The following CACNA1E variants were observed in gnomAD, a reference collection of about 807,000 sequenced individuals.
CACNA1E encodes calcium voltage-gated channel subunit alpha1 E.
CACNA1E carries 40 observed loss-of-function variants against 259.2 expected under a neutral mutation model. That is an observed-to-expected ratio of 0.15 (90% confidence interval 0.12 to 0.20). The LOEUF is 0.20. Ranked by LOEUF, CACNA1E falls within the 10% of genes least tolerant of loss-of-function variation. The probability of loss-of-function intolerance (pLI) is 1.00; values close to 1 mark genes in which losing one functional copy is unlikely to be tolerated. For missense variants in CACNA1E, 1,874 were observed against 3,040.1 expected, an observed-to-expected ratio of 0.62 and a Z score of 9.02; for synonymous variants, 1,104 against 1,138.5, an observed-to-expected ratio of 0.97 and a Z score of 0.61.
chr1:181,607,705 C>T (rs1654364564), intron 6 of CACNA1E, among the ~76,000 whole-genome samples: 1 of 152,148 alleles, frequency 6.6e-6, no homozygotes, highest in East Asian at 1.9e-4. Context: ...CTACAAAGCT[C>T]CATGAGAGTG....
chr1:181,779,412 T>C (rs1293851664), intron 38 of CACNA1E: 1 of 420,018 alleles, frequency 2.4e-6, no homozygotes, highest in Admixed American at 2.5e-5. Context: ...TCTCTGAGTG[T>C]CCTATTAACC....
At chr1:181,424,232 A>G (rs1273214036) in intron 2 of CACNA1E, among the ~76,000 whole-genome samples, 1 of 152,272 alleles carries the variant, frequency 6.6e-6, no homozygotes, top group African/African-American at 2.4e-5. Context: ...TGAGCAGAGC[A>G]GGAAGGTGCA....
At chr1:181,322,396 C>T (rs1292155706) in intron 1 of CACNA1E, among the ~76,000 whole-genome samples, 1 of 152,062 alleles carries the variant, frequency 6.6e-6, no homozygotes, top group Non-Finnish European at 1.5e-5. Flanking sequence ...GGCCATTGGA[C>T]CAAGTATACA....
At chr1:181,596,909 A>C (rs111434161) in intron 6 of CACNA1E, among the ~76,000 whole-genome samples, 5,126 of 152,108 alleles carry the variant, frequency 0.034, 108 homozygotes, top group Non-Finnish European at 0.048. Flanking sequence ...GTAGGGGCCT[A>C]GGTGTCCAAA....
intron 6 of CACNA1E, among the ~76,000 whole-genome samples, chr1:181,607,063 T>G (rs548664500): frequency 6.6e-6 from 1 of 152,248 alleles, no homozygotes; most frequent in South Asian, 2.1e-4. Context: ...AAACCTAAGC[T>G]CCATGAGAGC....
chr1:181,387,534 T>C (rs1400454482), intron 1 of CACNA1E, among the ~76,000 whole-genome samples: 1 of 152,166 alleles, frequency 6.6e-6, no homozygotes, highest in East Asian at 1.9e-4. Flanking sequence ...TATATGAAGC[T>C]CCTGCCCCAA....
At chr1:181,470,664 G>A (rs1477664506) in intron 2 of CACNA1E, among the ~76,000 whole-genome samples, 1 of 152,136 alleles carries the variant, frequency 6.6e-6, no homozygotes, top group Non-Finnish European at 1.5e-5. Flanking sequence ...TAGCCTTGAT[G>A]GCCAAGTGGC....
intron 2 of CACNA1E, among the ~76,000 whole-genome samples, chr1:181,460,450 C>T (rs951480287): frequency 2.0e-5 from 3 of 152,154 alleles, no homozygotes; most frequent in Non-Finnish European, 2.9e-5. Flanking sequence ...AGGACCCACA[C>T]CTTTGCACAG....
At chr1:181,643,076 T>C (rs540140061) in intron 6 of CACNA1E, among the ~76,000 whole-genome samples, 3 of 152,344 alleles carry the variant, frequency 2.0e-5, no homozygotes, top group African/African-American at 7.2e-5. Context: ...CTTTTAAAAT[T>C]CACCCATGAC....
At chr1:181,672,251 G>A (rs554477402) in intron 7 of CACNA1E, among the ~76,000 whole-genome samples, 2 of 152,120 alleles carry the variant, frequency 1.3e-5, no homozygotes, top group Non-Finnish European at 2.9e-5. Flanking sequence ...GAGGGTGGGA[G>A]GAGGGAGAGG....
At position 181,401,739 on chromosome 1, in the gene CACNA1E, A is replaced by C. The variant is rs188819922; in HGVS notation, c.-14-11394A>C. Among the ~76,000 whole-genome samples, 492 of 152,340 alleles carry C rather than the reference A, an allele frequency of 3.2e-3. 3 individuals carry two copies. The highest frequency in any genetic ancestry group is 0.014 in the Middle Eastern group (4 of 294). On this transcript the variant is annotated intron_variant, in intron 1 of 11. Transcript: ENST00000524607. ...CTGCACGGATTTTTATGTAGGAAAC[A>C]TCAGGCTAAAATGCTTGAAAGATGT...
chr1:181,629,284 A>G (rs1047562979), intron 6 of CACNA1E, among the ~76,000 whole-genome samples: 5 of 152,212 alleles, frequency 3.3e-5, no homozygotes, highest in African/African-American at 1.2e-4. Context: ...AGCCTTCTAC[A>G]TGGAGTGAGT....
At chr1:181,715,232 G>GCT (rs1273715368) in intron 8 of CACNA1E, 106 bp from the exon 9 acceptor site, 3 of 700,958 alleles carry the variant, frequency 4.3e-6, no homozygotes, top group Non-Finnish European at 5.1e-6. Context: ...TCTGAACTCT[G>GCT]CTCTCTCTCT....
intron 1 of CACNA1E, among the ~76,000 whole-genome samples, chr1:181,491,121 C>A (rs572442852): frequency 6.6e-6 from 1 of 152,224 alleles, no homozygotes; most frequent in South Asian, 2.1e-4. Context: ...GGATTTTCAA[C>A]AGTCACTCAC....
At chr1:181,434,421 T>TTTTTTTTTAAATACTAGAAA (rs1659936733) in intron 2 of CACNA1E, among the ~76,000 whole-genome samples, 1 of 151,194 alleles carries the variant, frequency 6.6e-6, no homozygotes, top group South Asian at 2.1e-4. Context: ...ATACTAGAAA[T>TTTTTTTTTAAATACTAGAAA]TACAGGGGTA....
At chr1:181,413,995 C>T (rs1263798564) in intron 2 of CACNA1E, among the ~76,000 whole-genome samples, 1 of 152,220 alleles carries the variant, frequency 6.6e-6, no homozygotes, top group Non-Finnish European at 1.5e-5. Flanking sequence ...TTAATATCCT[C>T]CTTGGATGAA....
intron 1 of CACNA1E, among the ~76,000 whole-genome samples, chr1:181,405,429 C>G (rs983393332): frequency 6.6e-6 from 1 of 152,184 alleles, no homozygotes; most frequent in African/African-American, 2.4e-5. Flanking sequence ...CTATCCCAGT[C>G]TAGATAACTG....
At chr1:181,496,001 T>C (rs1282812974) in intron 1 of CACNA1E, among the ~76,000 whole-genome samples, 1 of 152,200 alleles carries the variant, frequency 6.6e-6, no homozygotes, top group Non-Finnish European at 1.5e-5. Flanking sequence ...GGTTAACTCA[T>C]TTCCCTGAGA....
intron 1 of CACNA1E, among the ~76,000 whole-genome samples, chr1:181,323,414 A>G (rs1266230776): frequency 1.2e-4 from 19 of 152,108 alleles, no homozygotes; most frequent in Admixed American, 1.2e-3. Context: ...TCCACTTATT[A>G]ATACACAGGC....
Sources: gnomAD v4.1 joint callset for allele counts (sites outside exome capture counted in the v4.1 genomes callset) on GRCh38, gnomAD v4.1.1 for gene constraint, MANE v1.5 for transcripts, NCBI Gene and HGNC (gene_info 2026-07-23, HGNC 2026-07-21) for gene names.